The following SH2B2 variants were observed in gnomAD, a reference collection of about 807,000 sequenced individuals.
The protein encoded by SH2B2 is SH2B adaptor protein 2.
Under a neutral mutation model 35.7 loss-of-function variants are expected in SH2B2, and 37 were observed. The ratio of observed to expected loss-of-function variants is 1.04; its 90% CI spans 0.80 to 1.36. The LOEUF is 1.36. Among genes scored for constraint, SH2B2 ranks in the 40% most tolerant of loss-of-function variants. The pLI, the probability that SH2B2 is intolerant of heterozygous loss-of-function variation, is 0.00. For synonymous variants in SH2B2, 383 were observed against 376.4 expected (o/e 1.02, Z -0.20); for missense variants, 852 against 817.7 (o/e 1.04, Z -0.51).
rs782727535 is a variant in SH2B2 at position 102,301,169 on chromosome 7, G to C, written c.619G>C (p.Asp207His). The C allele has an allele frequency of 2.5e-6, 4 of 1,572,402 alleles. No homozygotes were observed. Among genetic ancestry groups the C allele is most frequent in the Non-Finnish European group, 3.4e-6 (4 of 1,162,470 alleles). ...GGCGCTGCGCTTCATGGTGGCCGACGACGCGGCCGCGGGCTCCGGGGGCTC... is the reference window on the plus strand; with the variant it reads ...GGCGCTGCGCTTCATGGTGGCCGACCACGCGGCCGCGGGCTCCGGGGGCTC... Reference protein sequence around the residue: ...EGALRFMVADDAAAGSGGSAQ... With the variant: ...EGALRFMVADHAAAGSGGSAQ... Residue 207 changes from aspartate (D) to histidine (H), a missense_variant, in exon 2 of 9, where the codon GAC (aspartate) becomes CAC (histidine). By Grantham distance (81) the Asp-to-His change is moderately conservative. Coordinates refer to ENST00000444095, the MANE Select transcript of SH2B2 (RefSeq NM_001359228.2).
chr7:102,320,955 G>A (rs1554558327), intron 8 of SH2B2, among the ~76,000 whole-genome samples: 3 of 152,086 alleles, frequency 2.0e-5, no homozygotes, highest in African/African-American at 4.8e-5. Context: ...GCCCGTGTGC[G>A]TACGCTTACG....
intron 3 of SH2B2, among the ~76,000 whole-genome samples, chr7:102,307,854 T>G (rs1249322119): frequency 6.6e-6 from 1 of 151,372 alleles, no homozygotes; most frequent in Non-Finnish European, 1.5e-5. Flanking sequence ...CACTACAACC[T>G]CCTCCTCCCG....
At chr7:102,288,797 G>A (rs1554551293) in intron 1 of SH2B2, among the ~76,000 whole-genome samples, 1 of 152,190 alleles carries the variant, frequency 6.6e-6, no homozygotes. Context: ...ACACACTTAG[G>A]GAGGGGAAGT....
chr7:102,302,278 C>T (rs1422949717), intron 2 of SH2B2, among the ~76,000 whole-genome samples: 3 of 152,336 alleles, frequency 2.0e-5, no homozygotes, highest in Admixed American at 6.5e-5. Flanking sequence ...CAGGAGTGAC[C>T]GAGCACATTC....
At position 102,321,574 on chromosome 7, in the gene SH2B2, C is replaced by G. The variant is rs1184245779; in HGVS notation, c.1843C>G (p.Pro615Ala). ...AVAATAAEEP[P>A]EAAPGRARAV... ...GGCCGCCACCGCCGCCGAGGAGCCC[C>G]CGGAGGCCGCGCCCGGCCGCGCGCG... Residue 615 changes from proline (P) to alanine (A), a missense_variant, in exon 9 of 9, where the codon CCG becomes GCG. By Grantham distance (27) the Pro-to-Ala change is conservative (BLOSUM62 -1). Transcript: ENST00000444095. 17 of 1,159,856 alleles carry G rather than the reference C, an allele frequency of 1.5e-5. No homozygotes were observed. The African/African-American group carries it at 2.6e-4, about 18-fold the overall frequency. 71.8% of individuals were successfully genotyped at this position (1,159,856 alleles called of 1,614,324 possible).
intron 1 of SH2B2, among the ~76,000 whole-genome samples, chr7:102,290,840 T>C (rs1483125601): frequency 6.6e-6 from 1 of 152,250 alleles, no homozygotes; most frequent in Non-Finnish European, 1.5e-5. Flanking sequence ...GGGCAGTGGG[T>C]ACCTCTGCAG....
In SH2B2 at chr7:102,300,585, C is replaced by T; in HGVS notation, c.35C>T (p.Ala12Val). ...NGAGPGPAAA[A>V]PVPVPVPVPD... ...GCCGGCCCTGGCCCCGCCGCAGCCG[C>T]CCCGGTCCCAGTCCCGGTCCCGGTC... The change falls in exon 2 of 9, where the codon GCC becomes GTC. Residue 12 changes from alanine to valine, a missense_variant. Physicochemically the swap from Ala to Val is moderately conservative, Grantham distance 64. Around this residue, in one of 3 missense-constraint regions of SH2B2, gnomAD observed 294 missense variants for 286.6 expected, o/e 1.03. Coordinates refer to ENST00000444095, the MANE Select transcript of SH2B2 (RefSeq NM_001359228.2). 4.5e-6 allele frequency: 7 copies of T among 1,550,210 alleles called. No homozygotes were observed. Among genetic ancestry groups the T allele is most frequent in the South Asian group, 3.6e-5 (3 of 84,278 alleles).
chr7:102,301,708 A>T (rs1399456073), intron 2 of SH2B2, among the ~76,000 whole-genome samples: 5 of 151,740 alleles, frequency 3.3e-5, no homozygotes, highest in African/African-American at 1.2e-4. Context: ...GGTAGCTGGG[A>T]TTTACAGGCA....
At chr7:102,318,333 T>G (rs1271853288) in intron 7 of SH2B2, among the ~76,000 whole-genome samples, 1 of 152,130 alleles carries the variant, frequency 6.6e-6, no homozygotes, top group East Asian at 1.9e-4. Flanking sequence ...GAGACAGGGT[T>G]TCACCATGTT....
At chr7:102,310,060 A>G (rs1263735314) in intron 4 of SH2B2, among the ~76,000 whole-genome samples, 1 of 152,204 alleles carries the variant, frequency 6.6e-6, no homozygotes, top group Non-Finnish European at 1.5e-5. Flanking sequence ...TCATGCCCAT[A>G]GTCCCAGCAC....
In SH2B2 at chr7:102,320,351, C is replaced by T. The variant is rs371577042; in HGVS notation, c.1416C>T (p.Asn472=). 1.3e-5 allele frequency: 21 copies of T among 1,611,944 alleles called. No homozygotes were observed. Among genetic ancestry groups the T allele is most frequent in the South Asian group, 2.2e-5 (2 of 91,090 alleles). ...GKAKHLRLSL[N]GHGQCHVQHL... The stretch of plus-strand genomic sequence containing the variant: ...CACAGCACCTGCGCCTGTCCCTGAA[C>T]GGCCACGGCCAGTGTCACGTACAGC... Residue 472 remains asparagine (N), a synonymous_variant, in exon 8 of 9, where the codon AAC becomes AAT. Coordinates refer to ENST00000444095, the MANE Select transcript of SH2B2 (RefSeq NM_001359228.2).
intron 7 of SH2B2, among the ~76,000 whole-genome samples, chr7:102,317,773 G>C (rs1554557407): frequency 6.6e-6 from 1 of 152,152 alleles, no homozygotes; most frequent in Non-Finnish European, 1.5e-5. Flanking sequence ...CGCCCAGTGG[G>C]GGGTGGGAGC....
At chr7:102,309,756 G>A (rs1020335920) in intron 4 of SH2B2, 4 of 155,106 alleles carry the variant, frequency 2.6e-5, no homozygotes, top group Non-Finnish European at 5.7e-5. Context: ...GCTGTTAGGC[G>A]TGCTCACCTA....
chr7:102,291,918 G>C (rs1426437560), intron 1 of SH2B2, among the ~76,000 whole-genome samples: 1 of 152,222 alleles, frequency 6.6e-6, no homozygotes, highest in Non-Finnish European at 1.5e-5. Context: ...TGCCCAGGGA[G>C]GGGTGCAGAG....
At chr7:102,313,979 A>G (rs1793721462) in intron 4 of SH2B2, among the ~76,000 whole-genome samples, 2 of 152,178 alleles carry the variant, frequency 1.3e-5, no homozygotes, top group African/African-American at 4.8e-5. Flanking sequence ...GGTTTCTGTG[A>G]CCCACCTTGG....
At chr7:102,300,010 T>A (rs1414082322) in intron 1 of SH2B2, among the ~76,000 whole-genome samples, 2 of 152,224 alleles carry the variant, frequency 1.3e-5, no homozygotes, top group Non-Finnish European at 2.9e-5. Context: ...TTCTGCCTCC[T>A]GGGTTCAAGT....
At chr7:102,295,484 T>C (rs919862954) in intron 1 of SH2B2, among the ~76,000 whole-genome samples, 5 of 145,720 alleles carry the variant, frequency 3.4e-5, no homozygotes, top group Non-Finnish European at 4.4e-5. Context: ...CTGGAGGCCA[T>C]GGTGGTGGTG....
intron 4 of SH2B2, among the ~76,000 whole-genome samples, chr7:102,313,652 C>T (rs1279204376): frequency 3.3e-5 from 5 of 152,134 alleles, no homozygotes; most frequent in South Asian, 4.1e-4. Flanking sequence ...CAGTGGCTCA[C>T]GCCTGTAATC....
rs372474931 is a variant in SH2B2, at chr7:102,308,926, G to A, written c.923+20G>A. ...CCCCGGGTGAGTGTCCAAGTGGCCCGAAGATGGGTGGACAGGCTGGGTATA... is the reference window on the plus strand; with the variant it reads ...CCCCGGGTGAGTGTCCAAGTGGCCCAAAGATGGGTGGACAGGCTGGGTATA... On this transcript the variant is annotated intron_variant, in intron 4 of 8. Coordinates refer to ENST00000444095, the MANE Select transcript of SH2B2 (RefSeq NM_001359228.2). 2.6e-4 allele frequency: 416 copies of A among 1,592,320 alleles called. No individual in the cohort carries two copies. The East Asian group carries it at 4.3e-3, about 16-fold the overall frequency.
Sources: allele counts gnomAD v4.1 joint callset (sites outside exome capture counted in the v4.1 genomes callset), GRCh38; gene constraint gnomAD v4.1.1; regional missense constraint gnomAD v4.1.1; transcripts MANE v1.5; gene names NCBI Gene and HGNC (gene_info 2026-07-23, HGNC 2026-07-21).